PLEKHA7: variants seen among roughly 807,000 people sequenced by gnomAD.
The protein encoded by PLEKHA7 is pleckstrin homology domain containing A7.
PLEKHA7 carries 104 observed loss-of-function variants against 170.0 expected under a neutral mutation model. The observed-to-expected ratio is 0.61, with a 90% CI of 0.52 to 0.72. The LOEUF is 0.72. Among genes scored for constraint, PLEKHA7 ranks in the 30% least tolerant of loss-of-function variants. The probability of loss-of-function intolerance (pLI) is 0.00; values close to 1 mark genes in which losing one functional copy is unlikely to be tolerated. For missense variants in PLEKHA7, 1,615 were observed against 1,671.7 expected (o/e 0.97, Z 0.59); for synonymous variants, 648 against 660.8 (o/e 0.98, Z 0.30).
chr11:16,930,336 C>G (rs1349077739), intron 3 of PLEKHA7, among the ~76,000 whole-genome samples: 1 of 152,136 alleles, frequency 6.6e-6, no homozygotes, highest in Admixed American at 6.6e-5. Flanking sequence ...GCCCCAGCTA[C>G]TTGGGAGGCT....
At chr11:16,782,608 A>G (rs1436089608) in intron 26 of PLEKHA7, 146 bp downstream of exon 26, 2 of 1,022,800 alleles carry the variant, frequency 2.0e-6, no homozygotes, top group Non-Finnish European at 2.8e-6. Context: ...CAGGATGCCG[A>G]GTGGTCAGGG....
chr11:16,778,745 A>G lies in PLEKHA7; in HGVS notation c.*253T>C, dbSNP rs1848813518. 1 of 559,170 alleles carries G rather than the reference A, an allele frequency of 1.8e-6. No individual in the cohort carries two copies. The allele number at this position is 559,170 out of a possible 1,614,324, so 34.6% of individuals were successfully genotyped here. ...ACATTAGAAAATAGATTCCGATTCT[A>G]AAATACAGTGTATTTTACAGTGTAT... On this transcript the variant is annotated 3_prime_UTR_variant, in exon 27 of 27. Coordinates refer to ENST00000531066, the MANE Select transcript of PLEKHA7 (RefSeq NM_001329630.2).
chr11:16,819,312 G>A (rs1412594428), intron 10 of PLEKHA7, among the ~76,000 whole-genome samples: 1 of 152,112 alleles, frequency 6.6e-6, no homozygotes, highest in Admixed American at 6.5e-5. Context: ...TGGCCAGGCT[G>A]GTCTTGAACT....
At chr11:16,861,451 A>G (rs1853941305) in intron 4 of PLEKHA7, among the ~76,000 whole-genome samples, 2 of 152,120 alleles carry the variant, frequency 1.3e-5, no homozygotes. Flanking sequence ...TAAGGAGCTC[A>G]AGACCTGGGC....
At chr11:16,882,854 AC>A (rs1349975463) in intron 3 of PLEKHA7, among the ~76,000 whole-genome samples, 1 of 124,448 alleles carries the variant, frequency 8.0e-6, no homozygotes, top group Non-Finnish European at 1.9e-5. Flanking sequence ...ATGTATATAC[AC>A]ATATTCACAC....
chr11:16,818,427 G>A (rs1849941401), intron 10 of PLEKHA7, among the ~76,000 whole-genome samples: 1 of 152,166 alleles, frequency 6.6e-6, no homozygotes, highest in African/African-American at 2.4e-5. Flanking sequence ...CTGCCTGGAT[G>A]GTCTCCCCTT....
chr11:16,824,958 A>C (rs750050363), intron 10 of PLEKHA7, among the ~76,000 whole-genome samples: 4 of 152,198 alleles, frequency 2.6e-5, no homozygotes, highest in Non-Finnish European at 4.4e-5. Flanking sequence ...TGTTTTATTA[A>C]TAAGACACAA....
At chr11:16,884,009 A>G (rs936057654) in intron 3 of PLEKHA7, among the ~76,000 whole-genome samples, 1 of 79,810 alleles carries the variant, frequency 1.3e-5, no homozygotes, top group African/African-American at 3.0e-5. Context: ...ATCTTTTTAG[A>G]AAAAAATTCA....
At chr11:17,007,189 A>T (rs1464341131) in intron 3 of PLEKHA7, among the ~76,000 whole-genome samples, 1 of 152,176 alleles carries the variant, frequency 6.6e-6, no homozygotes, top group Non-Finnish European at 1.5e-5. Flanking sequence ...GGTGGTGGCA[A>T]CTCCTAGCAT....
intron 9 of PLEKHA7, among the ~76,000 whole-genome samples, chr11:16,837,630 TATTTA>T (rs1851619729): frequency 6.6e-6 from 1 of 152,200 alleles, no homozygotes; most frequent in Non-Finnish European, 1.5e-5. Flanking sequence ...GCTGTTTGTT[TATTTA>T]AAGTAAAACA....
At chr11:16,924,571 A>G (rs1859350137) in intron 3 of PLEKHA7, among the ~76,000 whole-genome samples, 1 of 152,136 alleles carries the variant, frequency 6.6e-6, no homozygotes, top group Admixed American at 6.5e-5. Flanking sequence ...TCTAAAGTAG[A>G]TTAAAAACTG....
chr11:16,968,412 C>T (rs1862505268), intron 3 of PLEKHA7, among the ~76,000 whole-genome samples: 1 of 152,228 alleles, frequency 6.6e-6, no homozygotes. Context: ...ATCAGGCCTC[C>T]TCCTGGCCAT....
In PLEKHA7 at chr11:16,852,497, A is replaced by G. The variant is rs1853057334; in HGVS notation, c.523-142T>C. ...TAAATTACCATTTTACTGAACAGCC[A>G]TTCTTTGAATAGGACATTAGAACTT... On this transcript the variant is annotated intron_variant, in intron 6 of 26. Transcript: ENST00000531066. 4 of 579,910 alleles carry G rather than the reference A, an allele frequency of 6.9e-6. No individual in the cohort carries two copies. The South Asian group carries it at 1.3e-4, about 19-fold the overall frequency. 35.9% of individuals were successfully genotyped at this position (579,910 alleles called of 1,614,324 possible). A position where few individuals can be genotyped will look rare whatever the true frequency, so the allele number is the denominator to read the frequency against.
chr11:16,799,493 G>A (rs1218882212), intron 17 of PLEKHA7, among the ~76,000 whole-genome samples: 2 of 152,040 alleles, frequency 1.3e-5, no homozygotes, highest in Non-Finnish European at 2.9e-5. Context: ...TCAAAGACAC[G>A]TATTCATGTA....
Position 16,803,027 on chromosome 11 carries a change from T to C in PLEKHA7, c.2102A>G (p.Gln701Arg). 1 of 1,614,156 alleles carries C rather than the reference T, an allele frequency of 6.2e-7. No homozygotes were observed. Among genetic ancestry groups the C allele is most frequent in the Middle Eastern group, 1.7e-4 (1 of 6,054 alleles). The change falls in exon 15 of 27, where the codon CAA becomes CGA. Residue 701 changes from glutamine (Q) to arginine (R), a missense_variant. Gln to Arg is a conservative substitution (Grantham distance 43). Transcript: ENST00000531066. The part of the protein sequence containing the change: ...TDVKLSIFCE[Q>R]DRVLQDLEDK... ...TTCCAAGTCCTGGAGGACCCTGTCTTGTTCACAGAAGATGCTCAGTTTGAC... is the reference window on the plus strand; with the variant it reads ...TTCCAAGTCCTGGAGGACCCTGTCTCGTTCACAGAAGATGCTCAGTTTGAC...
intron 15 of PLEKHA7, 150 bp from the exon 16 acceptor site, chr11:16,801,967 A>G: frequency 1.1e-6 from 1 of 941,130 alleles, no homozygotes; most frequent in South Asian, 1.6e-5. Context: ...CTCTGATGCC[A>G]GCTCTGACTC....
At chr11:16,847,090 C>CTTTTTTTTTTTTTT (rs59132787) in intron 8 of PLEKHA7, among the ~76,000 whole-genome samples, 1 of 70,826 alleles carries the variant, frequency 1.4e-5, no homozygotes, top group Non-Finnish European at 2.6e-5. Context: ...TTTTTTTTTT[C>CTTTTTTTTTTTTTT]TTTTTTTTTT....
intron 3 of PLEKHA7, among the ~76,000 whole-genome samples, chr11:16,940,280 T>G (rs1245078222): frequency 7.8e-6 from 1 of 128,232 alleles, no homozygotes; most frequent in Non-Finnish European, 1.7e-5. Context: ...TTTCTTCTGC[T>G]GTTTTTTTTT....
chr11:16,783,686 A>G lies in PLEKHA7; in HGVS notation c.3650+14T>C. 7.1e-7 allele frequency: 1 copy of G among 1,402,770 alleles called. No homozygotes were observed. The highest frequency in any genetic ancestry group is 9.3e-7 in the Non-Finnish European group (1 of 1,076,628). The allele number at this position is 1,402,770 out of a possible 1,614,324, so 86.9% of individuals were successfully genotyped here. On this transcript the variant is annotated intron_variant, in intron 25 of 26. Coordinates refer to ENST00000531066, the MANE Select transcript of PLEKHA7 (RefSeq NM_001329630.2). ...CAGGGTGACCTGCCAACACTTGAGC[A>G]AGCGAGGGCTGACCTTGACCGGGCG... is the stretch of plus-strand genomic sequence containing the variant.
Sources: allele counts gnomAD v4.1 joint callset (sites outside exome capture counted in the v4.1 genomes callset), GRCh38; gene constraint gnomAD v4.1.1; transcripts MANE v1.5; gene names NCBI Gene and HGNC (gene_info 2026-07-23, HGNC 2026-07-21).